TMEFF2: variants seen among roughly 807,000 people sequenced by gnomAD.
The protein encoded by TMEFF2 is transmembrane protein with EGF like and two follistatin like domains 2.
TMEFF2 carries 28 observed loss-of-function variants against 53.8 expected under a neutral mutation model. The ratio of observed to expected loss-of-function variants is 0.52; its 90% confidence interval spans 0.39 to 0.71. TMEFF2 has a LOEUF of 0.71. Ranked by LOEUF, TMEFF2 falls within the 30% of genes least tolerant of loss-of-function variation. The pLI, the probability that TMEFF2 is intolerant of heterozygous loss-of-function variation, is 0.00. For missense variants in TMEFF2, 353 were observed against 455.2 expected, an observed-to-expected ratio of 0.78 and a Z score of 2.04; for synonymous variants, 162 against 166.3, an observed-to-expected ratio of 0.97 and a Z score of 0.20.
intron 4 of TMEFF2, chr2:192,179,325 G>A: frequency 4.2e-6 from 1 of 240,964 alleles, no homozygotes; most frequent in Non-Finnish European, 7.9e-6. Context: ...ATATTTAAAT[G>A]ATTTCCTCAT....
intron 7 of TMEFF2, among the ~76,000 whole-genome samples, chr2:191,990,030 C>T (rs1333386023): frequency 6.6e-6 from 1 of 152,114 alleles, no homozygotes; most frequent in African/African-American, 2.4e-5. Flanking sequence ...CTCCTTAATC[C>T]TCATTACTAT....
chr2:192,134,700 T>C (rs542347681), intron 4 of TMEFF2, among the ~76,000 whole-genome samples: 40 of 152,304 alleles, frequency 2.6e-4, no homozygotes, highest in African/African-American at 7.9e-4. Flanking sequence ...CCTCTTAGTC[T>C]AAGTAGACAC....
At chr2:192,075,299 ATATATAT>A (rs1559114991) in intron 4 of TMEFF2, among the ~76,000 whole-genome samples, 1 of 41,074 alleles carries the variant, frequency 2.4e-5, no homozygotes, top group East Asian at 4.3e-4. Context: ...ATATATATAT[ATATATAT>A]ATATATATAT....
chr2:192,108,744 C>G (rs184886396), intron 4 of TMEFF2, among the ~76,000 whole-genome samples: 19 of 151,942 alleles, frequency 1.3e-4, no homozygotes, highest in Non-Finnish European at 2.2e-4. Context: ...GATACCTGTA[C>G]GCCAATATTC....
chr2:192,130,158 C>T (rs900606367), intron 4 of TMEFF2, among the ~76,000 whole-genome samples: 6 of 152,112 alleles, frequency 3.9e-5, no homozygotes, highest in Admixed American at 6.6e-5. Context: ...TAAACAGTTA[C>T]TATTATTTCT....
chr2:192,055,885 TCGGCTCCTAG>T (rs1322437742), intron 5 of TMEFF2, among the ~76,000 whole-genome samples: 4 of 151,636 alleles, frequency 2.6e-5, no homozygotes, highest in Admixed American at 2.6e-4. Context: ...ACTCTCTCAC[TCGGCTCCTAG>T]CTGCCCATTG....
chr2:192,040,163 C>T lies in TMEFF2; in HGVS notation c.536+17516G>A, dbSNP rs144341209. 2.8e-3 allele frequency among the ~76,000 whole-genome samples: 421 copies of T among 152,092 alleles called. 3 individuals carry two copies. Among genetic ancestry groups the T allele is most frequent in the African/African-American group, 9.7e-3 (403 of 41,544 alleles). On this transcript the variant is annotated intron_variant, in intron 5 of 9. Transcript: ENST00000272771. Reference sequence around the variant, plus strand: ...AAGTATTTCTTGATGAACTAGTTGTCTTTTCTAACTACACCATAAGAGTTA... The same window carrying T: ...AAGTATTTCTTGATGAACTAGTTGTTTTTTCTAACTACACCATAAGAGTTA...
intron 4 of TMEFF2, among the ~76,000 whole-genome samples, chr2:192,171,158 A>G (rs1251618709): frequency 1.3e-5 from 2 of 152,032 alleles, no homozygotes; most frequent in African/African-American, 4.8e-5. Context: ...ATAAAACCCC[A>G]ATATAAAAAT....
intron 4 of TMEFF2, among the ~76,000 whole-genome samples, chr2:192,115,559 G>A (rs773878258): frequency 6.6e-6 from 1 of 151,890 alleles, no homozygotes; most frequent in Non-Finnish European, 1.5e-5. Flanking sequence ...ATATGGAGTG[G>A]GAGAAAATAT....
intron 4 of TMEFF2, among the ~76,000 whole-genome samples, chr2:192,147,968 C>T (rs2105997160): frequency 6.6e-6 from 1 of 152,138 alleles, no homozygotes; most frequent in Admixed American, 6.6e-5. Flanking sequence ...AATGAATAAA[C>T]TCATAAAAAT....
intron 5 of TMEFF2, among the ~76,000 whole-genome samples, chr2:192,013,875 A>G (rs902037188): frequency 6.6e-6 from 1 of 152,242 alleles, no homozygotes; most frequent in Non-Finnish European, 1.5e-5. Context: ...GATGCAAAAT[A>G]GGCACTCAAT....
intron 4 of TMEFF2, among the ~76,000 whole-genome samples, chr2:192,174,305 T>G (rs74443064): frequency 6.6e-6 from 1 of 151,844 alleles, no homozygotes; most frequent in African/African-American, 2.4e-5. Flanking sequence ...AAAAAAAAGT[T>G]ATTTTTATTT....
At chr2:192,100,428 A>G (rs1055152115) in intron 4 of TMEFF2, among the ~76,000 whole-genome samples, 2 of 152,174 alleles carry the variant, frequency 1.3e-5, no homozygotes, top group Non-Finnish European at 2.9e-5. Flanking sequence ...CACATCTTCT[A>G]TACTTCCAAC....
At chr2:192,106,768 C>T (rs1052232090) in intron 4 of TMEFF2, among the ~76,000 whole-genome samples, 1 of 151,732 alleles carries the variant, frequency 6.6e-6, no homozygotes, top group Non-Finnish European at 1.5e-5. Context: ...AAAAATAAAG[C>T]ACATAAAGCC....
chr2:192,090,991 GTGT>G (rs1179593650), intron 4 of TMEFF2, among the ~76,000 whole-genome samples: 1 of 152,126 alleles, frequency 6.6e-6, no homozygotes, highest in Non-Finnish European at 1.5e-5. Context: ...CTCCACTGAT[GTGT>G]TGAAAATATT....
Position 192,137,973 on chromosome 2 carries a change from C to G in TMEFF2, c.439+41695G>C, listed in dbSNP as rs142564535. 1.0e-3 allele frequency among the ~76,000 whole-genome samples: 154 copies of G among 151,938 alleles called. No homozygotes were observed. The East Asian group carries it at 0.023, about 23-fold the overall frequency. ...TCCTGGGATTATAGGCATGCGCCACCACACCCAGCTAATTTTTGTATTTTT... is the reference window on the plus strand; with the variant it reads ...TCCTGGGATTATAGGCATGCGCCACGACACCCAGCTAATTTTTGTATTTTT... On this transcript the variant is annotated intron_variant, in intron 4 of 9. Transcript: ENST00000272771.
chr2:192,122,331 A>G (rs1192801136), intron 4 of TMEFF2, among the ~76,000 whole-genome samples: 1 of 152,172 alleles, frequency 6.6e-6, no homozygotes, highest in African/African-American at 2.4e-5. Flanking sequence ...ATACAAGAGA[A>G]ATATTTTGGC....
intron 4 of TMEFF2, among the ~76,000 whole-genome samples, chr2:192,087,239 C>T (rs1688688096): frequency 6.6e-6 from 1 of 151,920 alleles, no homozygotes; most frequent in South Asian, 2.1e-4. Context: ...ATTTAATCCC[C>T]AACCATGATG....
At chr2:191,953,200 C>A (rs546928471) in intron 9 of TMEFF2, among the ~76,000 whole-genome samples, 1 of 152,302 alleles carries the variant, frequency 6.6e-6, no homozygotes, top group East Asian at 1.9e-4. Flanking sequence ...GAAACAATTA[C>A]CTTTTGATTA....
Sources: allele counts gnomAD v4.1 joint callset (sites outside exome capture counted in the v4.1 genomes callset), GRCh38; gene constraint gnomAD v4.1.1; transcripts MANE v1.5; gene names NCBI Gene and HGNC (gene_info 2026-07-23, HGNC 2026-07-21).